CLPSL2: variants seen among roughly 807,000 people sequenced by gnomAD.
CLPSL2 encodes colipase-like protein 2.
In CLPSL2, 4 loss-of-function variants were observed where a neutral mutation model predicts 7.9. The observed-to-expected ratio is 0.50, with a 90% CI of 0.25 to 1.15. CLPSL2 has a LOEUF of 1.15. Ranked by LOEUF, CLPSL2 falls within the 50% of genes most tolerant of loss-of-function variation. CLPSL2 has a pLI of 0.15. For missense variants in CLPSL2, 132 were observed against 136.6 expected (o/e 0.97, Z 0.17); for synonymous variants, 67 against 53.1 (o/e 1.26, Z -1.14).
intron 2 of CLPSL2, 44 bp downstream of exon 2, chr6:35,777,625 G>C (rs780795249): frequency 1.9e-6 from 3 of 1,565,438 alleles, no homozygotes; most frequent in Non-Finnish European, 2.6e-6. Context: ...TAGAGAAGCG[G>C]GCAGGGAGGT....
Position 35,779,465 on chromosome 6 carries a change from TG to T in CLPSL2, c.*17del. ...ATATGATTTAGAGGAAGATGCAGGC[TG>T]GTCACTGCTCCCTTGGGGCCATAGG... On this transcript the variant is annotated 3_prime_UTR_variant, in exon 3 of 3. Coordinates refer to ENST00000403376, the MANE Select transcript of CLPSL2 (RefSeq NM_207409.4). 1 of 1,564,252 alleles carries T rather than the reference TG, an allele frequency of 6.4e-7. No homozygotes were observed. Among genetic ancestry groups the T allele is most frequent in the Non-Finnish European group, 8.7e-7 (1 of 1,154,062 alleles).
chr6:35,779,511 G>A lies in CLPSL2; in HGVS notation c.*61G>A. Reference sequence around the variant, plus strand: ...CATAGGCCCTGGTTGCCACCAACTTGCTCCAAATCCAGCTCCTGAGACATT... The same window carrying A: ...CATAGGCCCTGGTTGCCACCAACTTACTCCAAATCCAGCTCCTGAGACATT... On this transcript the variant is annotated 3_prime_UTR_variant, in exon 3 of 3. Transcript: ENST00000403376. 6.4e-7 allele frequency: 1 copy of A among 1,551,620 alleles called. No individual in the cohort carries two copies. The highest frequency in any genetic ancestry group is 8.7e-7 in the Non-Finnish European group (1 of 1,146,684).
rs750041587 is a variant in CLPSL2 at position 35,779,468 on chromosome 6, T to A, written c.*18T>A. 1 of 1,563,114 alleles carries A rather than the reference T, an allele frequency of 6.4e-7. No individual in the cohort carries two copies. On this transcript the variant is annotated 3_prime_UTR_variant, in exon 3 of 3. Coordinates refer to ENST00000403376, the MANE Select transcript of CLPSL2 (RefSeq NM_207409.4). ...TGATTTAGAGGAAGATGCAGGCTGGTCACTGCTCCCTTGGGGCCATAGGCC... is the reference window on the plus strand; with the variant it reads ...TGATTTAGAGGAAGATGCAGGCTGGACACTGCTCCCTTGGGGCCATAGGCC...
chr6:35,777,905 ACCC>A (rs1207560162), intron 2 of CLPSL2: 1 of 717,320 alleles, frequency 1.4e-6, no homozygotes, highest in Admixed American at 2.0e-5. Context: ...TGAAGCACCT[ACCC>A]CCAGCTTAGT....
intron 1 of CLPSL2, chr6:35,776,937 C>T (rs1361069477): frequency 2.5e-6 from 1 of 398,848 alleles, no homozygotes; most frequent in Non-Finnish European, 4.5e-6. Flanking sequence ...GCTCCCTCCA[C>T]CTCCCCCGCC....
Position 35,779,483 on chromosome 6 carries a change from GGCC to G in CLPSL2, c.*34_*36del. On this transcript the variant is annotated 3_prime_UTR_variant, in exon 3 of 3. Coordinates refer to ENST00000403376, the MANE Select transcript of CLPSL2 (RefSeq NM_207409.4). ...TGCAGGCTGGTCACTGCTCCCTTGG[GGCC>G]ATAGGCCCTGGTTGCCACCAACTTG... 1 of 1,555,984 alleles carries G rather than the reference GGCC, an allele frequency of 6.4e-7. No homozygotes were observed. Among genetic ancestry groups the G allele is most frequent in the Non-Finnish European group, 8.7e-7 (1 of 1,149,408 alleles).
intron 1 of CLPSL2, 58 bp from the exon 2 acceptor site, chr6:35,777,401 C>G: frequency 6.3e-7 from 1 of 1,587,736 alleles, no homozygotes; most frequent in South Asian, 1.1e-5. Context: ...CTCCCCTACC[C>G]GCCCACACGA....
intron 1 of CLPSL2, among the ~76,000 whole-genome samples, chr6:35,776,994 A>G (rs1767850152): frequency 6.6e-6 from 1 of 151,776 alleles, no homozygotes; most frequent in African/African-American, 2.4e-5. Context: ...TCCCTCCCCA[A>G]ACTGCTCACA....
Position 35,777,571 on chromosome 6 carries a change from G to T in CLPSL2, c.197G>T (p.Cys66Phe). 6.2e-7 allele frequency: 1 copy of T among 1,613,482 alleles called. No individual in the cohort carries two copies. The highest frequency in any genetic ancestry group is 8.5e-7 in the Non-Finnish European group (1 of 1,179,718). ...CCCAGGGCCAGAATAACCATGATCT[G>T]CTTGCCCCAGGTGAGGCCCTAGTAT... ...CAPRARITMICLPQTKGATNI... is the reference protein window; with the variant it reads ...CAPRARITMIFLPQTKGATNI... The change falls in exon 2 of 3, where the codon TGC (cysteine) becomes TTC (phenylalanine). Residue 66 changes from cysteine to phenylalanine, a missense_variant. Transcript: ENST00000403376.
intron 1 of CLPSL2, among the ~76,000 whole-genome samples, chr6:35,777,194 C>T (rs987758755): frequency 2.6e-5 from 4 of 152,068 alleles, no homozygotes; most frequent in African/African-American, 9.7e-5. Flanking sequence ...GTACACACCC[C>T]ATGGGACTCA....
chr6:35,776,828 C>T, intron 1 of CLPSL2, 126 bp downstream of exon 1: 2 of 833,532 alleles, frequency 2.4e-6, no homozygotes, highest in South Asian at 5.3e-5. Context: ...CACACCCAGG[C>T]GGGTAGCCTG....
chr6:35,776,835 C>A, intron 1 of CLPSL2, 133 bp downstream of exon 1: 1 of 726,476 alleles, frequency 1.4e-6, no homozygotes. Context: ...AGGCGGGTAG[C>A]CTGGGGCATC....
At chr6:35,777,720 A>G in intron 2 of CLPSL2, 139 bp downstream of exon 2, 1 of 1,006,614 alleles carries the variant, frequency 9.9e-7, no homozygotes, top group South Asian at 1.6e-5. Flanking sequence ...ACTCCTACTC[A>G]TGGTGCAAAA....
Position 35,776,635 on chromosome 6 carries a change from C to A in CLPSL2, c.17C>A (p.Ala6Glu), listed in dbSNP as rs1282167388. 1.3e-6 allele frequency: 2 copies of A among 1,497,938 alleles called. No homozygotes were observed. Among genetic ancestry groups the A allele is most frequent in the Non-Finnish European group, 8.8e-7 (1 of 1,131,094 alleles). 92.8% of individuals were successfully genotyped at this position (1,497,938 alleles called of 1,614,324 possible). Residue 6 changes from alanine (A) to glutamate (E), a missense_variant, in exon 1 of 3, where the codon GCG (alanine) becomes GAG (glutamate). By Grantham distance (107) the Ala-to-Glu change is moderately radical. Coordinates refer to ENST00000403376, the MANE Select transcript of CLPSL2 (RefSeq NM_207409.4). MAAAL[A>E]LVAGVLSGAV... is the part of the protein sequence containing the mutation. ...CCCAGGCCCATGGCCGCAGCCCTGG[C>A]GCTCGTGGCGGGGGTCCTGTCGGGG...
At chr6:35,777,999 A>G in intron 2 of CLPSL2, 1 of 686,892 alleles carries the variant, frequency 1.5e-6, no homozygotes, top group Non-Finnish European at 2.7e-6. Flanking sequence ...TCTGTCACCC[A>G]GGCTAGAGTG....
chr6:35,776,943 C>A (rs1767849066), intron 1 of CLPSL2: 3 of 433,036 alleles, frequency 6.9e-6, no homozygotes, highest in Non-Finnish European at 1.2e-5. Flanking sequence ...TCCACCTCCC[C>A]CGCCCGTGCC....
Position 35,776,669 on chromosome 6 carries a change from GC to G in CLPSL2, c.55del (p.Leu19SerfsTer44). 1 of 1,484,894 alleles carries G rather than the reference GC, an allele frequency of 6.7e-7. No individual in the cohort carries two copies. Among genetic ancestry groups the G allele is most frequent in the Non-Finnish European group, 8.9e-7 (1 of 1,125,350 alleles). The allele number at this position is 1,484,894 out of a possible 1,614,324, so 92.0% of individuals were successfully genotyped here. A position where few individuals can be genotyped will look rare whatever the true frequency, so the allele number is the denominator to read the frequency against. ...CGGGGGTCCTGTCGGGGGCGGTGCT[GC>G]CCCTCTGGAGCGCGCTTCCGCAATA... ...VAGVLSGAVL[P>X]LWSALPQYKK... On this transcript the variant is annotated frameshift_variant, in exon 1 of 3. Coordinates refer to ENST00000403376, the MANE Select transcript of CLPSL2 (RefSeq NM_207409.4). LOFTEE classifies it high-confidence loss of function.
Position 35,776,630 on chromosome 6 carries a change from C to T in CLPSL2, c.12C>T (p.Ala4=), listed in dbSNP as rs1413204805. ...TGCCGCCCAGGCCCATGGCCGCAGCCCTGGCGCTCGTGGCGGGGGTCCTGT... is the reference window on the plus strand; with the variant it reads ...TGCCGCCCAGGCCCATGGCCGCAGCTCTGGCGCTCGTGGCGGGGGTCCTGT... MAA[A]LALVAGVLSG... Residue 4 remains alanine, a synonymous_variant, in exon 1 of 3, where the codon GCC becomes GCT. Coordinates refer to ENST00000403376, the MANE Select transcript of CLPSL2 (RefSeq NM_207409.4). 6 of 1,499,250 alleles carry T rather than the reference C, an allele frequency of 4.0e-6. No individual in the cohort carries two copies. Among genetic ancestry groups the T allele is most frequent in the Non-Finnish European group, 8.8e-7 (1 of 1,131,670 alleles). 92.9% of individuals were successfully genotyped at this position (1,499,250 alleles called of 1,614,324 possible). A position where few individuals can be genotyped will look rare whatever the true frequency, so the allele number is the denominator to read the frequency against.
intron 2 of CLPSL2, chr6:35,778,009 G>A (rs1306378356): frequency 7.4e-6 from 5 of 672,448 alleles, no homozygotes; most frequent in Non-Finnish European, 1.4e-5. Flanking sequence ...AGGCTAGAGT[G>A]CAATGGCATG....
Sources: gnomAD v4.1 joint callset for allele counts (sites outside exome capture counted in the v4.1 genomes callset) on GRCh38, gnomAD v4.1.1 for gene constraint, MANE v1.5 for transcripts, NCBI Gene and HGNC (gene_info 2026-07-23, HGNC 2026-07-21) for gene names.